The following ST13 variants were observed in gnomAD, a reference collection of about 807,000 sequenced individuals.
ST13 encodes the protein hsc70-interacting protein.
ST13 carries 23 observed loss-of-function variants against 56.7 expected under a neutral mutation model. The ratio of observed to expected loss-of-function variants is 0.41; its 90% CI spans 0.29 to 0.57. ST13 has a LOEUF of 0.57. ST13 is among the 20% of genes least tolerant of loss of function. The pLI, the probability that ST13 is intolerant of heterozygous loss-of-function variation, is 0.36. For missense variants in ST13, 369 were observed against 459.9 expected, an observed-to-expected ratio of 0.80 and a Z score of 1.81; for synonymous variants, 132 against 142.4, an observed-to-expected ratio of 0.93 and a Z score of 0.52.
intron 8 of ST13, 130 bp from the exon 9 acceptor site, chr22:40,831,086 A>C (rs2057751769): frequency 7.8e-6 from 5 of 637,230 alleles, no homozygotes; most frequent in Non-Finnish European, 1.3e-5. Flanking sequence ...CTTGTACAAA[A>C]AGACCTAACA....
chr22:40,835,204 C>T (rs962070410), intron 7 of ST13, among the ~76,000 whole-genome samples: 5 of 152,052 alleles, frequency 3.3e-5, no homozygotes, highest in African/African-American at 9.7e-5. Flanking sequence ...TTTGTAAGGA[C>T]ACTGATAAAA....
intron 4 of ST13, among the ~76,000 whole-genome samples, chr22:40,841,238 C>T (rs2057803199): frequency 6.7e-6 from 1 of 149,994 alleles, no homozygotes; most frequent in Admixed American, 6.7e-5. Flanking sequence ...GGCATGGTGG[C>T]ACATGCATCT....
intron 1 of ST13, among the ~76,000 whole-genome samples, chr22:40,853,371 G>A (rs1234984755): frequency 1.3e-5 from 2 of 151,802 alleles, no homozygotes; most frequent in African/African-American, 4.8e-5. Context: ...AAAAAAAAAA[G>A]AGGATTTACT....
Position 40,848,678 on chromosome 22 carries a change from G to A in ST13, c.169-309C>T, listed in dbSNP as rs569466898. Among the ~76,000 whole-genome samples, 18 of 152,284 alleles carry A rather than the reference G, an allele frequency of 1.2e-4. No individual in the cohort carries two copies. The East Asian group carries it at 2.1e-3, about 18-fold the overall frequency. ...CAATCACTTGAACCTGGGAGGCGGAGGTGGCAGTGAGCTGAGATCATGCCA... is the reference window on the plus strand; with the variant it reads ...CAATCACTTGAACCTGGGAGGCGGAAGTGGCAGTGAGCTGAGATCATGCCA... On this transcript the variant is annotated intron_variant, in intron 2 of 11. Coordinates refer to ENST00000216218, the MANE Select transcript of ST13 (RefSeq NM_003932.5).
In ST13 at chr22:40,840,376, C is replaced by G. The variant is rs953073129; in HGVS notation, c.382+250G>C. ...TTAAAGCCTTTCACCTCTTTAAAGC[C>G]TCTTCTCAGCAGAAAAACACCACGA... On this transcript the variant is annotated intron_variant, in intron 5 of 11. Transcript: ENST00000216218. 1.5e-4 allele frequency among the ~76,000 whole-genome samples: 23 copies of G among 150,628 alleles called. No homozygotes were observed. In the Middle Eastern group the frequency reaches 0.017, roughly 112 times the overall value.
At chr22:40,839,841 TA>T (rs1312589815) in intron 5 of ST13, among the ~76,000 whole-genome samples, 1 of 148,964 alleles carries the variant, frequency 6.7e-6, no homozygotes, top group Non-Finnish European at 1.5e-5. Context: ...CTTGGAGAGT[TA>T]AAAAAATAAA....
chr22:40,826,909 T>C (rs1385746346), intron 11 of ST13, among the ~76,000 whole-genome samples, 187 bp downstream of exon 11: 2 of 152,220 alleles, frequency 1.3e-5, no homozygotes, highest in South Asian at 2.1e-4. Flanking sequence ...TGCTAAGTAT[T>C]TCCTAGTTTT....
intron 7 of ST13, among the ~76,000 whole-genome samples, chr22:40,835,197 G>C (rs1330042031): frequency 6.6e-6 from 1 of 152,124 alleles, no homozygotes; most frequent in Non-Finnish European, 1.5e-5. Context: ...GAGAAAATTT[G>C]TAAGGACACT....
At chr22:40,829,563 GTAT>G in intron 10 of ST13, 60 bp downstream of exon 10, 1 of 732,636 alleles carries the variant, frequency 1.4e-6, no homozygotes, top group Non-Finnish European at 2.0e-6. Flanking sequence ...TAAATATTAA[GTAT>G]TATATTAAAA....
intron 5 of ST13, among the ~76,000 whole-genome samples, chr22:40,840,375 C>T (rs1439200713): frequency 3.3e-5 from 5 of 150,758 alleles, no homozygotes; most frequent in African/African-American, 9.8e-5. Context: ...CTCTTTAAAG[C>T]CTCTTCTCAG....
At chr22:40,841,984 A>C (rs896572708) in intron 4 of ST13, among the ~76,000 whole-genome samples, 6 of 152,214 alleles carry the variant, frequency 3.9e-5, no homozygotes, top group African/African-American at 1.4e-4. Context: ...ACACCTTCCA[A>C]AATAAATCTG....
intron 5 of ST13, among the ~76,000 whole-genome samples, chr22:40,839,548 C>A (rs184492053): frequency 6.7e-6 from 1 of 149,148 alleles, no homozygotes; most frequent in East Asian, 2.0e-4. Context: ...GCACATCACT[C>A]GAGGTCAGGA....
At chr22:40,829,754 G>GA (rs2057745484) in intron 9 of ST13, 80 bp from the exon 10 acceptor site, 1 of 706,264 alleles carries the variant, frequency 1.4e-6, no homozygotes, top group African/African-American at 1.8e-5. Flanking sequence ...GCAAGACCAT[G>GA]AAAAAATTGT....
intron 3 of ST13, among the ~76,000 whole-genome samples, chr22:40,847,526 G>A (rs933742603): frequency 1.3e-5 from 2 of 149,322 alleles, no homozygotes; most frequent in Non-Finnish European, 3.0e-5. Flanking sequence ...TCCAGCCTGG[G>A]CGACACAGTG....
At chr22:40,839,871 C>G (rs2057794704) in intron 5 of ST13, among the ~76,000 whole-genome samples, 1 of 151,902 alleles carries the variant, frequency 6.6e-6, no homozygotes, top group Non-Finnish European at 1.5e-5. Context: ...AAAAAAGAGG[C>G]TGGGCGCAGT....
intron 8 of ST13, 74 bp downstream of exon 8, chr22:40,832,495 C>T (rs777502346): frequency 1.2e-5 from 13 of 1,064,564 alleles, no homozygotes; most frequent in Middle Eastern, 3.0e-4. Context: ...AGATGAATTA[C>T]AGCTGTCGGG....
chr22:40,844,951 A>G lies in ST13; in HGVS notation c.245-42T>C, dbSNP rs774604664. On this transcript the variant is annotated intron_variant, in intron 3 of 11. Coordinates refer to ENST00000216218, the MANE Select transcript of ST13 (RefSeq NM_003932.5). ...AATGACAATAAGACCTGCACCGTAC[A>G]ATATAGTAGCCACTCCCAAGATTAT... The G allele has an allele frequency of 3.3e-5, 47 of 1,430,334 alleles. No homozygotes were observed. The East Asian group carries it at 9.9e-4, about 30-fold the overall frequency. The allele number at this position is 1,430,334 out of a possible 1,614,324, so 88.6% of individuals were successfully genotyped here.
At chr22:40,828,056 C>T (rs1336787030) in intron 10 of ST13, among the ~76,000 whole-genome samples, 3 of 152,070 alleles carry the variant, frequency 2.0e-5, no homozygotes, top group South Asian at 2.1e-4. Context: ...CAGTTAAGGA[C>T]GACCTTAAAA....
chr22:40,845,548 C>G (rs763781335), intron 3 of ST13, among the ~76,000 whole-genome samples: 9 of 151,864 alleles, frequency 5.9e-5, no homozygotes, highest in Admixed American at 1.3e-4. Flanking sequence ...AATCAAGTAC[C>G]AAGGCTAGAT....
Sources: gnomAD v4.1 joint callset for allele counts (sites outside exome capture counted in the v4.1 genomes callset) on GRCh38, gnomAD v4.1.1 for gene constraint, MANE v1.5 for transcripts, NCBI Gene and HGNC (gene_info 2026-07-23, HGNC 2026-07-21) for gene names.